TOP1: variants seen among roughly 807,000 people sequenced by gnomAD.
The protein encoded by TOP1 is DNA topoisomerase 1.
A neutral mutation model predicts 111.1 loss-of-function variants in TOP1; 10 were observed. The ratio of observed to expected loss-of-function variants is 0.09; its 90% CI spans 0.06 to 0.15. The LOEUF is 0.15. Ranked by LOEUF, TOP1 falls within the 10% of genes least tolerant of loss-of-function variation. The probability of loss-of-function intolerance (pLI) is 1.00; values close to 1 mark genes in which losing one functional copy is unlikely to be tolerated. For missense variants in TOP1, 474 were observed against 926.7 expected (o/e 0.51, Z 6.34); for synonymous variants, 271 against 302.9 (o/e 0.89, Z 1.10).
In TOP1 at chr20:41,100,429, T is replaced by A. The variant is rs1021220904; in HGVS notation, c.1163+186T>A. The stretch of plus-strand genomic sequence containing the variant: ...GTTGTCTCCCCTCATCCACAGGGGA[T>A]ATGTTCCAAGACCCCCAGTGGATGC... On this transcript the variant is annotated intron_variant, in intron 12 of 20. Transcript: ENST00000361337. This position sits in a 1 kb window ranked among gnomAD's most constrained non-coding sequence, Gnocchi z 4.4. Among the ~76,000 whole-genome samples the A allele has an allele frequency of 2.0e-5, 3 of 152,186 alleles. No homozygotes were observed. Among genetic ancestry groups the A allele is most frequent in the African/African-American group, 7.2e-5 (3 of 41,452 alleles).
chr20:41,121,387 A>C lies in TOP1; in HGVS notation c.1951-309A>C, dbSNP rs539881589. Among the ~76,000 whole-genome samples the C allele has an allele frequency of 6.6e-6, 1 of 152,340 alleles. No individual in the cohort carries two copies. The highest frequency in any genetic ancestry group is 2.1e-4 in the South Asian group (1 of 4,822). On this transcript the variant is annotated intron_variant, in intron 18 of 20. Coordinates refer to ENST00000361337, the MANE Select transcript of TOP1 (RefSeq NM_003286.4). This position sits in a 1 kb window ranked among gnomAD's most constrained non-coding sequence, Gnocchi z 4.2. ...TTGTAGCCATCCTCCCAGATGTATG[A>C]CAGCAGAGTGTTCTCTGATGGAAAG...
rs1212655994 is a variant in TOP1, at chr20:41,092,547, A to G, written c.690A>G (p.Pro230=). The change falls in exon 9 of 21, where the codon CCA becomes CCG. Residue 230 remains proline, a synonymous_variant. Transcript: ENST00000361337. This position sits in a 1 kb window ranked among gnomAD's most constrained non-coding sequence, Gnocchi z 4.3. ...ATAAAGGTCCAGTATTTGCCCCACC[A>G]TATGAGCCTCTTCCAGAGAATGTCA... is the stretch of plus-strand genomic sequence containing the variant. ...LEHKGPVFAP[P]YEPLPENVKF... is the part of the protein sequence containing the mutation. 1 of 1,605,554 alleles carries G rather than the reference A, an allele frequency of 6.2e-7. No homozygotes were observed. Among genetic ancestry groups the G allele is most frequent in the Non-Finnish European group, 8.5e-7 (1 of 1,175,400 alleles).
chr20:41,062,497 A>G (rs2033557810), intron 3 of TOP1, among the ~76,000 whole-genome samples: 1 of 152,042 alleles, frequency 6.6e-6, no homozygotes, highest in South Asian at 2.1e-4. Flanking sequence ...TTGATCATCT[A>G]GTTTCCATTT....
intron 8 of TOP1, among the ~76,000 whole-genome samples, chr20:41,089,134 C>T (rs2033887119): frequency 6.7e-6 from 1 of 149,698 alleles, no homozygotes; most frequent in Admixed American, 6.7e-5. Context: ...AAGCAATTCT[C>T]CTGCCTCAGC....
chr20:41,081,322 G>A (rs932618761), intron 7 of TOP1, 82 bp downstream of exon 7: 3 of 1,467,154 alleles, frequency 2.0e-6, no homozygotes, highest in Admixed American at 2.6e-5. Flanking sequence ...AGACAAATGA[G>A]TTTTAGATAT....
intron 2 of TOP1, among the ~76,000 whole-genome samples, chr20:41,059,022 A>G (rs951460151): frequency 2.6e-5 from 4 of 152,192 alleles, no homozygotes; most frequent in Non-Finnish European, 4.4e-5. Flanking sequence ...TTGCAGGAAC[A>G]TGGATGGAAC....
intron 2 of TOP1, among the ~76,000 whole-genome samples, chr20:41,048,642 A>T (rs1002532259): frequency 6.6e-6 from 1 of 152,224 alleles, no homozygotes; most frequent in African/African-American, 2.4e-5. Flanking sequence ...TCTGTCACTT[A>T]GTTTTTGGCA....
chr20:41,038,878 C>T (rs1284454426), intron 2 of TOP1, among the ~76,000 whole-genome samples: 1 of 151,854 alleles, frequency 6.6e-6, no homozygotes, highest in Non-Finnish European at 1.5e-5. Flanking sequence ...GTCCCAGCTA[C>T]TTAGAAGGCT....
At chr20:41,070,848 T>G (rs1405243962) in intron 3 of TOP1, among the ~76,000 whole-genome samples, 1 of 152,230 alleles carries the variant, frequency 6.6e-6, no homozygotes, top group African/African-American at 2.4e-5. Flanking sequence ...GGAGCCAGAC[T>G]GCCTGAGTTT....
At chr20:41,064,177 C>T (rs550717209) in intron 3 of TOP1, among the ~76,000 whole-genome samples, 6 of 152,170 alleles carry the variant, frequency 3.9e-5, no homozygotes, top group Non-Finnish European at 5.9e-5. Flanking sequence ...AGTCTTTTCC[C>T]CATTGCTTAT....
rs2034424112 is a variant in TOP1, at chr20:41,121,631, C to T, written c.1951-65C>T. ...CCTGGTCCAGATAACATCTTGGTTT[C>T]ACCTTCTCAGGTGGAGCCATTTTTC... On this transcript the variant is annotated intron_variant, in intron 18 of 20. Coordinates refer to ENST00000361337, the MANE Select transcript of TOP1 (RefSeq NM_003286.4). The surrounding 1 kb of genome is among the most constrained non-coding windows in gnomAD (Gnocchi z 4.2). 3 of 1,297,022 alleles carry T rather than the reference C, an allele frequency of 2.3e-6. No homozygotes were observed. In the Admixed American group the frequency reaches 5.1e-5, roughly 22 times the overall value. 80.3% of individuals were successfully genotyped at this position (1,297,022 alleles called of 1,614,324 possible).
At chr20:41,055,279 A>T (rs921363356) in intron 2 of TOP1, among the ~76,000 whole-genome samples, 1 of 152,216 alleles carries the variant, frequency 6.6e-6, no homozygotes, top group Admixed American at 6.5e-5. Flanking sequence ...AATTCAACAC[A>T]TTTCTTTTTG....
In TOP1 at chr20:41,058,830, C is replaced by T. The variant is rs951472594; in HGVS notation, c.59-2564C>T. On this transcript the variant is annotated intron_variant, in intron 2 of 20. Transcript: ENST00000361337. This position sits in a 1 kb window ranked among gnomAD's most constrained non-coding sequence, Gnocchi z 4.2. ...CTATAATTATATGACCGCTCGAAAACGCCAAGACAATTTAATGGGGAAAGG... is the reference window on the plus strand; with the variant it reads ...CTATAATTATATGACCGCTCGAAAATGCCAAGACAATTTAATGGGGAAAGG... Among the ~76,000 whole-genome samples, 9 of 152,030 alleles carry T rather than the reference C, an allele frequency of 5.9e-5. No homozygotes were observed. The highest frequency in any genetic ancestry group is 1.5e-4 in the African/African-American group (6 of 41,364).
rs745646176 is a variant in TOP1, at chr20:41,081,269, G to A, written c.507+29G>A. The A allele has an allele frequency of 3.8e-6, 6 of 1,573,726 alleles. No homozygotes were observed. The South Asian group carries it at 7.1e-5, about 19-fold the overall frequency. ...AGTAAAGAGACTTAGGTCCTTTGGG[G>A]CTTGAGTTTGGAAGTGGGAGTTTTC... is the stretch of plus-strand genomic sequence containing the variant. On this transcript the variant is annotated intron_variant, in intron 7 of 20. Coordinates refer to ENST00000361337, the MANE Select transcript of TOP1 (RefSeq NM_003286.4).
At chr20:41,055,257 ATC>A (rs1290072943) in intron 2 of TOP1, among the ~76,000 whole-genome samples, 1 of 152,224 alleles carries the variant, frequency 6.6e-6, no homozygotes. Flanking sequence ...CATCTTTCAT[ATC>A]TGTCAGTTAA....
chr20:41,061,357 T>C lies in TOP1; in HGVS notation c.59-37T>C. 6.2e-7 allele frequency: 1 copy of C among 1,604,244 alleles called. No homozygotes were observed. The highest frequency in any genetic ancestry group is 1.3e-5 in the African/African-American group (1 of 74,834). ...AGGTAGGCATACAGAAGATAGCTCA[T>C]GACTCCTGTTAACTGACTCATCTCT... is the stretch of plus-strand genomic sequence containing the variant. On this transcript the variant is annotated intron_variant, in intron 2 of 20. Transcript: ENST00000361337. This position sits in a 1 kb window ranked among gnomAD's most constrained non-coding sequence, Gnocchi z 4.6.
At chr20:41,052,921 C>T (rs1053567604) in intron 2 of TOP1, among the ~76,000 whole-genome samples, 1 of 152,058 alleles carries the variant, frequency 6.6e-6, no homozygotes, top group Non-Finnish European at 1.5e-5. Flanking sequence ...ACCTGGGAGG[C>T]GGAGGTTGCA....
chr20:41,060,444 A>G (rs530467924), intron 2 of TOP1, among the ~76,000 whole-genome samples: 1 of 152,332 alleles, frequency 6.6e-6, no homozygotes, highest in East Asian at 1.9e-4. Context: ...GAAATCTAGA[A>G]ATCTAGACAA....
Position 41,028,838 on chromosome 20 carries a change from C to T in TOP1, c.-230C>T, listed in dbSNP as rs1328693019. ...CAGTGAGCCCAAATGCGAACTTAGG[C>T]TGTTACACAACTGCTGGGGTCTGTT... On this transcript the variant is annotated 5_prime_UTR_variant, in exon 1 of 21. Coordinates refer to ENST00000361337, the MANE Select transcript of TOP1 (RefSeq NM_003286.4). 1 of 528,358 alleles carries T rather than the reference C, an allele frequency of 1.9e-6. No homozygotes were observed. Among genetic ancestry groups the T allele is most frequent in the Non-Finnish European group, 3.3e-6 (1 of 300,380 alleles). 32.7% of individuals were successfully genotyped at this position (528,358 alleles called of 1,614,324 possible).
Sources: gnomAD v4.1 joint callset for allele counts (sites outside exome capture counted in the v4.1 genomes callset) on GRCh38, gnomAD v4.1.1 for gene constraint, Gnocchi (gnomAD v3.1) non-coding constraint, MANE v1.5 for transcripts, NCBI Gene and HGNC (gene_info 2026-07-23, HGNC 2026-07-21) for gene names.